Variants in DGKB observed in about 807,000 individuals in gnomAD.
The protein encoded by DGKB is 90 kDa diacylglycerol kinase.
DGKB carries 67 observed loss-of-function variants against 114.3 expected under a neutral mutation model. That is an observed-to-expected ratio of 0.59 (90% CI 0.48 to 0.72). DGKB has a LOEUF of 0.72. Among genes scored for constraint, DGKB ranks in the 30% least tolerant of loss-of-function variants. The pLI, the probability that DGKB is intolerant of heterozygous loss-of-function variation, is 0.00. For missense variants in DGKB, 907 were observed against 975.2 expected (o/e 0.93, Z 0.93); for synonymous variants, 398 against 323.1 (o/e 1.23, Z -2.49).
chr7:14,904,302 C>G (rs532768708), upstream of DGKB, among the ~76,000 whole-genome samples: 15 of 152,094 alleles, frequency 9.9e-5, no homozygotes, highest in Non-Finnish European at 2.2e-4. Context: ...TAAAAATAAA[C>G]TTAATTCCTT....
At chr7:14,177,903 A>G (rs1351036681) in intron 24 of DGKB, 128 bp downstream of exon 24, 2 of 928,736 alleles carry the variant, frequency 2.2e-6, no homozygotes, top group East Asian at 3.0e-5. Flanking sequence ...TTTGAAATAT[A>G]TTAGTATTAA....
chr7:14,149,455 A>G (rs1352040361), intron 25 of DGKB, among the ~76,000 whole-genome samples: 2 of 152,178 alleles, frequency 1.3e-5, no homozygotes, highest in African/African-American at 4.8e-5. Flanking sequence ...GCTCAGGATA[A>G]TAATTTTAAA....
chr7:14,754,097 C>A, intron 3 of DGKB, 149 bp from the exon 4 acceptor site: 1 of 555,998 alleles, frequency 1.8e-6, no homozygotes, highest in Non-Finnish European at 3.2e-6. Flanking sequence ...AAAGGTGGTT[C>A]CGAAACAGTG....
chr7:14,974,226 G>A (rs1259761905), intron 1 of DGKB, among the ~76,000 whole-genome samples: 2 of 151,976 alleles, frequency 1.3e-5, no homozygotes, highest in African/African-American at 4.8e-5. Flanking sequence ...AACGAGTGGT[G>A]TTTGTGATGA....
chr7:14,913,750 A>T (rs564898830), intron 1 of DGKB, among the ~76,000 whole-genome samples: 1 of 152,182 alleles, frequency 6.6e-6, no homozygotes, highest in African/African-American at 2.4e-5. Flanking sequence ...AAATCTTTTG[A>T]CTTATAGTTT....
Position 14,149,194 on chromosome 7 carries a change from C to T in DGKB, c.2349G>A (p.Pro783=), listed in dbSNP as rs372943958. 2.9e-4 allele frequency: 464 copies of T among 1,613,174 alleles called. 1 individual carries two copies. The African/African-American group carries it at 5.1e-3, about 18-fold the overall frequency. Residue 783 remains proline, a synonymous_variant, in exon 26 of 26, where the codon CCG becomes CCA. Coordinates refer to ENST00000402815, the MANE Select transcript of DGKB (RefSeq NM_001350709.2). ...AGCAGAATAAACCGGTTTTTGGAGG[C>T]GGGCCCATCAGCATTGGGGCTTGGT... ...HKNQAPMLMG[P]PPKTGLFCSL...
chr7:14,610,572 A>G (rs987899816), intron 16 of DGKB, among the ~76,000 whole-genome samples: 1 of 152,070 alleles, frequency 6.6e-6, no homozygotes, highest in Non-Finnish European at 1.5e-5. Flanking sequence ...TATACATGTG[A>G]AAATATGATT....
In DGKB at chr7:14,784,374, T is replaced by C. The variant is rs529085415; in HGVS notation, c.71-26643A>G. Reference sequence around the variant, plus strand: ...ATCCGTCCAAATTATATGCTTTTTTTTTTTTTTTTTTGAGCTGGAGTCTCA... The same window carrying C: ...ATCCGTCCAAATTATATGCTTTTTTCTTTTTTTTTTTGAGCTGGAGTCTCA... On this transcript the variant is annotated intron_variant, in intron 2 of 25. Coordinates refer to ENST00000402815, the MANE Select transcript of DGKB (RefSeq NM_001350709.2). Among the ~76,000 whole-genome samples, 17 of 150,370 alleles carry C rather than the reference T, an allele frequency of 1.1e-4. No homozygotes were observed. The East Asian group carries it at 3.3e-3, about 29-fold the overall frequency.
chr7:14,260,934 C>CAAAG (rs1468248002), intron 23 of DGKB, among the ~76,000 whole-genome samples: 1 of 152,108 alleles, frequency 6.6e-6, no homozygotes, highest in African/African-American at 2.4e-5. Flanking sequence ...TTAACGAAAT[C>CAAAG]AAAGAGTCAT....
chr7:14,895,536 C>T (rs1781960903), intron 1 of DGKB, among the ~76,000 whole-genome samples: 1 of 151,644 alleles, frequency 6.6e-6, no homozygotes, highest in Non-Finnish European at 1.5e-5. Flanking sequence ...AGCACTATTA[C>T]AACAGCAAAT....
chr7:14,310,840 A>G (rs1436859397), intron 23 of DGKB, among the ~76,000 whole-genome samples: 3 of 152,166 alleles, frequency 2.0e-5, no homozygotes, highest in African/African-American at 4.8e-5. Context: ...TCAGAATCCA[A>G]ACTCAAATTA....
At chr7:14,907,681 AT>A (rs1330162211), upstream of DGKB, among the ~76,000 whole-genome samples, 1 of 152,222 alleles carries the variant, frequency 6.6e-6, no homozygotes, top group African/African-American at 2.4e-5. Flanking sequence ...TTCTTTATAC[AT>A]GAATATGTAA....
At chr7:14,520,680 G>A (rs190279475) in intron 20 of DGKB, among the ~76,000 whole-genome samples, 99 of 151,984 alleles carry the variant, frequency 6.5e-4, no homozygotes, top group African/African-American at 2.2e-3. Context: ...CATGGTCAGA[G>A]CAACACCTAG....
intron 23 of DGKB, among the ~76,000 whole-genome samples, chr7:14,179,438 C>T (rs1782297994): frequency 6.6e-6 from 1 of 152,070 alleles, no homozygotes; most frequent in Non-Finnish European, 1.5e-5. Flanking sequence ...GAGTGGAATA[C>T]GGTGGGAGGC....
intron 20 of DGKB, among the ~76,000 whole-genome samples, chr7:14,494,440 C>T (rs1785016572): frequency 6.6e-6 from 1 of 151,818 alleles, no homozygotes; most frequent in South Asian, 2.1e-4. Flanking sequence ...TAATTTGTGA[C>T]CCTACCCACC....
chr7:14,813,567 C>G (rs905228260), intron 2 of DGKB, among the ~76,000 whole-genome samples: 3 of 152,096 alleles, frequency 2.0e-5, no homozygotes, highest in African/African-American at 7.2e-5. Context: ...CTTGTATTAC[C>G]TTTGTCTCTT....
At chr7:14,915,669 A>G (rs1784207246) in intron 1 of DGKB, among the ~76,000 whole-genome samples, 1 of 152,170 alleles carries the variant, frequency 6.6e-6, no homozygotes, top group Admixed American at 6.5e-5. Flanking sequence ...ACAAGTATTT[A>G]AAGTGTGGAA....
At chr7:14,880,258 G>T (rs187880172) in intron 1 of DGKB, among the ~76,000 whole-genome samples, 31 of 152,202 alleles carry the variant, frequency 2.0e-4, no homozygotes, top group African/African-American at 6.7e-4. Context: ...AGGAGTTCAG[G>T]ACCAGCCTGG....
chr7:14,202,452 C>T (rs17167960), intron 23 of DGKB, among the ~76,000 whole-genome samples: 2,393 of 152,052 alleles, frequency 0.016, 159 homozygotes, highest in Admixed American at 0.11. Flanking sequence ...GTTACTTAGC[C>T]ACACTGTTGA....
Sources: allele counts gnomAD v4.1 joint callset (sites outside exome capture counted in the v4.1 genomes callset), GRCh38; gene constraint gnomAD v4.1.1; transcripts MANE v1.5; gene names NCBI Gene and HGNC (gene_info 2026-07-23, HGNC 2026-07-21).